The following CUBN variants were observed in gnomAD, a reference collection of about 807,000 sequenced individuals.
CUBN encodes cubilin.
CUBN carries 282 observed loss-of-function variants against 405.3 expected under a neutral mutation model. The ratio of observed to expected loss-of-function variants is 0.70; its 90% CI spans 0.63 to 0.77. CUBN has a LOEUF of 0.77. CUBN is among the 30% of genes least tolerant of loss of function. CUBN has a pLI of 0.00. For missense variants in CUBN, 4,514 were observed against 4,475.2 expected, an observed-to-expected ratio of 1.01 and a Z score of -0.25; for synonymous variants, 1,684 against 1,617.0, an observed-to-expected ratio of 1.04 and a Z score of -0.99.
intron 12 of CUBN, among the ~76,000 whole-genome samples, chr10:17,103,936 T>C (rs936147032): frequency 6.6e-6 from 1 of 152,180 alleles, no homozygotes; most frequent in Non-Finnish European, 1.5e-5. Flanking sequence ...AAGTTATTTC[T>C]AGGGAACTAG....
rs760101759 is a variant in CUBN at position 16,907,458 on chromosome 10, C to T, written c.7705+50G>A. The T allele has an allele frequency of 3.2e-6, 5 of 1,571,438 alleles. No homozygotes were observed. In the South Asian group the frequency reaches 5.5e-5, roughly 17 times the overall value. ...TGCCATTGGCAGTAGATGGGGGCAT[C>T]TGCAGTGCCCCTGATTAAAATGGGG... On this transcript the variant is annotated intron_variant, in intron 49 of 66. Coordinates refer to ENST00000377833, the MANE Select transcript of CUBN (RefSeq NM_001081.4).
At chr10:16,916,349 T>C (rs1034810168) in intron 45 of CUBN, among the ~76,000 whole-genome samples, 3 of 152,218 alleles carry the variant, frequency 2.0e-5, no homozygotes, top group Non-Finnish European at 4.4e-5. Flanking sequence ...TAGTCGCAAG[T>C]AAGTTTCATC....
intron 54 of CUBN, among the ~76,000 whole-genome samples, chr10:16,897,075 T>C (rs898441370): frequency 6.6e-6 from 1 of 152,248 alleles, no homozygotes; most frequent in Non-Finnish European, 1.5e-5. Context: ...AGCTCGTCAG[T>C]GATTGTTGAA....
rs550528842 is a variant in CUBN, at chr10:17,075,170, G to A, written c.2302-3199C>T. On this transcript the variant is annotated intron_variant, in intron 17 of 66. Transcript: ENST00000377833. Reference sequence around the variant, plus strand: ...ACGATCTCGGATCACTGCAACCTCCGCCTCCCAGATTCAAGCAATTCTCCT... The same window carrying A: ...ACGATCTCGGATCACTGCAACCTCCACCTCCCAGATTCAAGCAATTCTCCT... Among the ~76,000 whole-genome samples, 21 of 125,856 alleles carry A rather than the reference G, an allele frequency of 1.7e-4. No homozygotes were observed. In the South Asian group the frequency reaches 2.5e-3, roughly 15 times the overall value. 82.6% of individuals were successfully genotyped at this position (125,856 alleles called of 152,430 possible). A position where few individuals can be genotyped will look rare whatever the true frequency, so the allele number is the denominator to read the frequency against.
intron 22 of CUBN, among the ~76,000 whole-genome samples, chr10:17,059,550 A>G (rs1451762491): frequency 6.6e-6 from 1 of 150,846 alleles, no homozygotes; most frequent in Admixed American, 6.6e-5. Context: ...TTTCTGAATG[A>G]ATCCATATGA....
At chr10:16,865,238 A>C (rs558120024) in intron 59 of CUBN, among the ~76,000 whole-genome samples, 1 of 148,736 alleles carries the variant, frequency 6.7e-6, no homozygotes, top group African/African-American at 2.5e-5. Flanking sequence ...CTAAAGTGCC[A>C]GTATTACAGG....
intron 14 of CUBN, among the ~76,000 whole-genome samples, chr10:17,090,053 T>C (rs7921288): frequency 0.54 from 81,778 of 151,898 alleles, 22,657 homozygotes; most frequent in East Asian, 0.7. Flanking sequence ...GAGGTTGAGG[T>C]TGCTGTGAGA....
chr10:16,920,732 T>C (rs1392232267), intron 43 of CUBN, among the ~76,000 whole-genome samples: 2 of 152,220 alleles, frequency 1.3e-5, no homozygotes, highest in Non-Finnish European at 2.9e-5. Flanking sequence ...TATCAAAAAA[T>C]ATTTTTCTAT....
Position 17,013,438 on chromosome 10 carries a change from C to G in CUBN, c.4168+6395G>C, listed in dbSNP as rs577397025. ...TCTCTCTGTCTCTCTGTCTGACTTTCTGTCTCTTTCTTTCCTTTCTGCTGG... is the reference window on the plus strand; with the variant it reads ...TCTCTCTGTCTCTCTGTCTGACTTTGTGTCTCTTTCTTTCCTTTCTGCTGG... On this transcript the variant is annotated intron_variant, in intron 28 of 66. Transcript: ENST00000377833. Among the ~76,000 whole-genome samples, 7 of 152,166 alleles carry G rather than the reference C, an allele frequency of 4.6e-5. No individual in the cohort carries two copies. The South Asian group carries it at 1.2e-3, about 27-fold the overall frequency.
intron 56 of CUBN, among the ~76,000 whole-genome samples, chr10:16,878,956 A>G (rs1039201131): frequency 2.0e-4 from 31 of 152,324 alleles, no homozygotes; most frequent in African/African-American, 7.2e-4. Flanking sequence ...TTGTTTATCT[A>G]TTCATCAGTT....
intron 48 of CUBN, among the ~76,000 whole-genome samples, chr10:16,910,348 A>G (rs1390153737): frequency 1.3e-5 from 2 of 152,146 alleles, no homozygotes; most frequent in Non-Finnish European, 2.9e-5. Flanking sequence ...GCCAACCCAC[A>G]TGCCCTTGTT....
intron 22 of CUBN, among the ~76,000 whole-genome samples, chr10:17,059,493 C>G (rs1387501853): frequency 6.6e-6 from 1 of 152,108 alleles, no homozygotes; most frequent in Non-Finnish European, 1.5e-5. Context: ...TACATTGAGG[C>G]TCAATCTTTA....
chr10:17,071,539 C>T lies in CUBN; in HGVS notation c.2512G>A (p.Gly838Arg). The change falls in exon 19 of 67, where the codon GGA becomes AGA. Residue 838 changes from glycine to arginine, a missense_variant. Gly to Arg is a moderately radical substitution (Grantham distance 125). Transcript: ENST00000377833. ...RSPFFPNVYP[G>R]ERTCRWTIHQ... Reference sequence around the variant, plus strand: ...ATGGTCCACCTACAGGTTCTTTCTCCAGGATACACGTTAGGAAAAAAAGGC... The same window carrying T: ...ATGGTCCACCTACAGGTTCTTTCTCTAGGATACACGTTAGGAAAAAAAGGC... 2.5e-6 allele frequency: 4 copies of T among 1,613,924 alleles called. No homozygotes were observed. The highest frequency in any genetic ancestry group is 2.5e-6 in the Non-Finnish European group (3 of 1,179,942).
At chr10:17,056,311 T>G (rs1479146108) in intron 22 of CUBN, among the ~76,000 whole-genome samples, 1 of 152,054 alleles carries the variant, frequency 6.6e-6, no homozygotes, top group Non-Finnish European at 1.5e-5. Flanking sequence ...AATCTCAAAC[T>G]ATAAAACTTC....
chr10:16,987,475 A>G (rs1310254122), intron 29 of CUBN, among the ~76,000 whole-genome samples: 6 of 152,230 alleles, frequency 3.9e-5, no homozygotes, highest in African/African-American at 1.2e-4. Flanking sequence ...TGTTACAATC[A>G]AGTCAGCATT....
At chr10:16,865,580 A>C (rs973118449) in intron 59 of CUBN, among the ~76,000 whole-genome samples, 1 of 152,098 alleles carries the variant, frequency 6.6e-6, no homozygotes, top group Non-Finnish European at 1.5e-5. Context: ...AGGATTGTAA[A>C]ATGCACCAAT....
At chr10:17,009,626 G>A (rs1172987993) in intron 28 of CUBN, among the ~76,000 whole-genome samples, 1 of 89,880 alleles carries the variant, frequency 1.1e-5, no homozygotes, top group Non-Finnish European at 3.0e-5. Flanking sequence ...TGACTGTACG[G>A]ATGAATCACT....
intron 27 of CUBN, among the ~76,000 whole-genome samples, chr10:17,038,107 A>G (rs1298747759): frequency 6.6e-6 from 1 of 151,868 alleles, no homozygotes; most frequent in African/African-American, 2.4e-5. Flanking sequence ...CCCAGCCACA[A>G]TCACCTCTTA....
intron 17 of CUBN, among the ~76,000 whole-genome samples, chr10:17,076,357 T>C (rs1454351957): frequency 1.3e-5 from 2 of 152,118 alleles, no homozygotes; most frequent in African/African-American, 4.8e-5. Context: ...GGCAATACTT[T>C]AACTACAACT....
Sources: gnomAD v4.1 joint callset for allele counts (sites outside exome capture counted in the v4.1 genomes callset) on GRCh38, gnomAD v4.1.1 for gene constraint, MANE v1.5 for transcripts, NCBI Gene and HGNC (gene_info 2026-07-23, HGNC 2026-07-21) for gene names.